Variants in DMRT1 observed in about 807,000 individuals in gnomAD.
DMRT1 encodes doublesex- and mab-3-related transcription factor 1.
DMRT1 carries 7 observed loss-of-function variants against 32.3 expected under a neutral mutation model. The ratio of observed to expected loss-of-function variants is 0.22; its 90% CI spans 0.12 to 0.41. DMRT1 has a LOEUF of 0.41. Among genes scored for constraint, DMRT1 ranks in the 10% least tolerant of loss-of-function variants. DMRT1 has a pLI of 1.00. For synonymous variants in DMRT1, 278 were observed against 206.1 expected (o/e 1.35, Z -2.99); for missense variants, 625 against 500.5 (o/e 1.25, Z -2.37).
chr9:889,803 G>C (rs183030441), intron 2 of DMRT1, among the ~76,000 whole-genome samples: 2 of 152,174 alleles, frequency 1.3e-5, no homozygotes, highest in Non-Finnish European at 2.9e-5. Flanking sequence ...GCTTTTGAAA[G>C]GCAGGCCTTA....
intron 2 of DMRT1, among the ~76,000 whole-genome samples, chr9:853,929 A>G (rs932986046): frequency 6.6e-6 from 1 of 151,662 alleles, no homozygotes; most frequent in Non-Finnish European, 1.5e-5. Context: ...CCGAGCAGTT[A>G]GGACTACAGG....
At chr9:957,813 C>T (rs1001291246) in intron 4 of DMRT1, among the ~76,000 whole-genome samples, 1 of 151,918 alleles carries the variant, frequency 6.6e-6, no homozygotes, top group African/African-American at 2.4e-5. Flanking sequence ...AGTTCGAGAC[C>T]AGCCTGACCA....
intron 4 of DMRT1, among the ~76,000 whole-genome samples, chr9:956,690 G>A (rs1213464339): frequency 6.6e-6 from 1 of 152,178 alleles, no homozygotes; most frequent in Non-Finnish European, 1.5e-5. Flanking sequence ...AGCAAATGCT[G>A]GAAGAAGCCA....
intron 4 of DMRT1, among the ~76,000 whole-genome samples, chr9:931,574 A>C (rs1340854722): frequency 1.3e-5 from 2 of 152,216 alleles, no homozygotes; most frequent in Admixed American, 1.3e-4. Context: ...TCCAAGATCA[A>C]GGTGCTGTCA....
At chr9:924,446 A>G (rs1006743185) in intron 4 of DMRT1, among the ~76,000 whole-genome samples, 2 of 152,170 alleles carry the variant, frequency 1.3e-5, no homozygotes, top group Admixed American at 6.5e-5. Context: ...ATTTTTATAT[A>G]TGGATCACAT....
Position 968,196 on chromosome 9 carries a change from A to C in DMRT1, c.*57A>C, listed in dbSNP as rs1356806520. The C allele has an allele frequency of 3.1e-6, 5 of 1,600,756 alleles. No homozygotes were observed. In the Admixed American group the frequency reaches 8.4e-5, roughly 27 times the overall value. On this transcript the variant is annotated 3_prime_UTR_variant, in exon 5 of 5. Transcript: ENST00000382276. ...GAGTAACAGGCTTATTCCACTTTCC[A>C]TGGGGTTTGTTAATATTTTGCATTG...
chr9:944,725 G>A (rs1032116683), intron 4 of DMRT1, among the ~76,000 whole-genome samples: 1 of 152,134 alleles, frequency 6.6e-6, no homozygotes, highest in Non-Finnish European at 1.5e-5. Context: ...AGTGCTTTAA[G>A]TTGTGTTTGA....
chr9:928,801 T>TA (rs143924382), intron 4 of DMRT1, among the ~76,000 whole-genome samples: 21,400 of 152,014 alleles, frequency 0.14, 2,195 homozygotes, highest in African/African-American at 0.29. Flanking sequence ...TTTATTATAC[T>TA]AAAATTATTT....
In DMRT1 at chr9:842,095, C is replaced by T; in HGVS notation, c.257C>T (p.Ser86Leu). 1.9e-6 allele frequency: 3 copies of T among 1,546,998 alleles called. No individual in the cohort carries two copies. Among genetic ancestry groups the T allele is most frequent in the South Asian group, 1.2e-5 (1 of 84,700 alleles). The change falls in exon 1 of 5, where the codon TCG becomes TTG. Residue 86 changes from serine to leucine, a missense_variant. Around this residue, in one of 3 missense-constraint regions of DMRT1, gnomAD observed 201 missense variants for 152.0 expected, o/e 1.32. Coordinates refer to ENST00000382276, the MANE Select transcript of DMRT1 (RefSeq NM_021951.3). ...CARCRNHGYA[S>L]PLKGHKRFCM... is the part of the protein sequence containing the mutation. ...CGCTGCAGGAACCACGGCTACGCCT[C>T]GCCGCTCAAGGGCCACAAGCGCTTC...
intron 4 of DMRT1, among the ~76,000 whole-genome samples, chr9:964,992 G>A (rs1419108149): frequency 6.6e-6 from 1 of 152,132 alleles, no homozygotes; most frequent in Non-Finnish European, 1.5e-5. Flanking sequence ...ATCAAAGAGC[G>A]AAAAGCATCA....
intron 2 of DMRT1, among the ~76,000 whole-genome samples, chr9:879,880 A>G (rs2132627022): frequency 6.6e-6 from 1 of 152,338 alleles, no homozygotes; most frequent in South Asian, 2.1e-4. Context: ...ACAACTTCCA[A>G]ATGTTGACAC....
intron 2 of DMRT1, among the ~76,000 whole-genome samples, chr9:863,886 T>C (rs1449144528): frequency 2.0e-5 from 3 of 152,190 alleles, no homozygotes; most frequent in Non-Finnish European, 4.4e-5. Context: ...CATTTCTCTA[T>C]TGATCCCGGC....
chr9:849,552 A>C (rs1839049579), intron 2 of DMRT1, among the ~76,000 whole-genome samples: 1 of 152,230 alleles, frequency 6.6e-6, no homozygotes, highest in Non-Finnish European at 1.5e-5. Context: ...AACGACTCTC[A>C]CAAGGGTGTT....
chr9:879,821 T>C (rs982434995), intron 2 of DMRT1, among the ~76,000 whole-genome samples: 2 of 152,226 alleles, frequency 1.3e-5, no homozygotes, highest in Admixed American at 1.3e-4. Flanking sequence ...TATGACTTTA[T>C]AACATTATGC....
intron 2 of DMRT1, 64 bp downstream of exon 2, chr9:847,207 C>G (rs919350258): frequency 6.4e-7 from 1 of 1,551,580 alleles, no homozygotes; most frequent in Non-Finnish European, 8.8e-7. Context: ...GGGTTGCAGC[C>G]ACAGAAGCAG....
At chr9:900,663 C>A (rs979098130) in intron 3 of DMRT1, among the ~76,000 whole-genome samples, 2 of 151,512 alleles carry the variant, frequency 1.3e-5, no homozygotes, top group Non-Finnish European at 2.9e-5. Context: ...AGGGAGAAGA[C>A]AGCAGAATGC....
At chr9:962,226 C>A (rs770618343) in intron 4 of DMRT1, among the ~76,000 whole-genome samples, 2 of 152,126 alleles carry the variant, frequency 1.3e-5, no homozygotes, top group Non-Finnish European at 1.5e-5. Flanking sequence ...CTCGTGTGCA[C>A]GCTTGCTCAC....
intron 3 of DMRT1, among the ~76,000 whole-genome samples, chr9:915,311 C>T (rs890594180): frequency 1.3e-5 from 2 of 152,154 alleles, no homozygotes; most frequent in Non-Finnish European, 2.9e-5. Flanking sequence ...TCAGAGTCAT[C>T]AGGGCCAGGA....
intron 2 of DMRT1, among the ~76,000 whole-genome samples, chr9:854,950 G>A (rs1413920498): frequency 6.7e-6 from 1 of 149,984 alleles, no homozygotes; most frequent in Admixed American, 6.7e-5. Flanking sequence ...TGTATTTTTA[G>A]TAGAGACGGG....
Sources: allele counts gnomAD v4.1 joint callset (sites outside exome capture counted in the v4.1 genomes callset), GRCh38; gene constraint gnomAD v4.1.1; regional missense constraint gnomAD v4.1.1; transcripts MANE v1.5; gene names NCBI Gene and HGNC (gene_info 2026-07-23, HGNC 2026-07-21).